MTUS1: variants seen among roughly 807,000 people sequenced by gnomAD.
MTUS1 encodes microtubule-associated tumor suppressor 1.
A neutral mutation model predicts 120.8 loss-of-function variants in MTUS1; 109 were observed. That is an observed-to-expected ratio of 0.90 (90% CI 0.77 to 1.06). The LOEUF (loss-of-function observed/expected upper bound fraction) is 1.06, where lower values mean the gene tolerates loss of function less well. Ranked by LOEUF, MTUS1 falls within the 50% of genes least tolerant of loss-of-function variation. MTUS1 has a pLI of 0.00. For missense variants in MTUS1, 2,210 were observed against 1,486.3 expected (o/e 1.49, Z -8.01); for synonymous variants, 737 against 550.5 (o/e 1.34, Z -4.74).
At chr8:17,798,713 A>G (rs2052452699) in intron 1 of MTUS1, among the ~76,000 whole-genome samples, 1 of 152,248 alleles carries the variant, frequency 6.6e-6, no homozygotes, top group Non-Finnish European at 1.5e-5. Flanking sequence ...TTCTGTTTTG[A>G]GAAAGTCAAC....
chr8:17,742,297 T>TTTTTTTTTTTTTTTTTTTTTTG (rs2047393167), intron 3 of MTUS1, among the ~76,000 whole-genome samples: 1 of 142,240 alleles, frequency 7.0e-6, no homozygotes, highest in African/African-American at 2.7e-5. Flanking sequence ...TGTTGTTTTT[T>TTTTTTTTTTTTTTTTTTTTTTG]TTTTTTTTTT....
intron 3 of MTUS1, among the ~76,000 whole-genome samples, chr8:17,728,090 T>C (rs1166040663): frequency 6.6e-6 from 1 of 152,202 alleles, no homozygotes; most frequent in South Asian, 2.1e-4. Flanking sequence ...TTAATATTAA[T>C]ATTATCCTAT....
intron 6 of MTUS1, among the ~76,000 whole-genome samples, chr8:17,699,785 A>G (rs1471851434): frequency 2.0e-5 from 3 of 152,228 alleles, no homozygotes; most frequent in Admixed American, 2.0e-4. Context: ...CTGCCTTGGC[A>G]GTCCATAAAC....
intron 1 of MTUS1, among the ~76,000 whole-genome samples, chr8:17,756,671 A>ACCACCCCCC (rs1554526123): frequency 1.7e-5 from 2 of 117,484 alleles, no homozygotes; most frequent in Non-Finnish European, 3.4e-5. Flanking sequence ...TCAAGCCCAA[A>ACCACCCCCC]CCCCCACCCC....
chr8:17,717,694 T>C (rs1019239223), intron 4 of MTUS1, among the ~76,000 whole-genome samples: 2 of 151,998 alleles, frequency 1.3e-5, no homozygotes. Context: ...AGATTTTCAC[T>C]AAAGTAAAGG....
At chr8:17,769,618 A>G (rs1414253742) in intron 1 of MTUS1, among the ~76,000 whole-genome samples, 1 of 152,048 alleles carries the variant, frequency 6.6e-6, no homozygotes, top group Admixed American at 6.5e-5. Context: ...AAGTGCTGGG[A>G]TTACAGGCGT....
At chr8:17,779,788 G>C (rs555387367) in intron 1 of MTUS1, among the ~76,000 whole-genome samples, 12 of 152,294 alleles carry the variant, frequency 7.9e-5, no homozygotes, top group Non-Finnish European at 1.3e-4. Context: ...GTGTTGGAGG[G>C]GGGGCGGGGG....
Position 17,743,898 on chromosome 8 carries a change from A to T in MTUS1, c.2092-99T>A, listed in dbSNP as rs1368238958. 6 of 1,003,990 alleles carry T rather than the reference A, an allele frequency of 6.0e-6. No homozygotes were observed. The East Asian group carries it at 1.5e-4, about 25-fold the overall frequency. 62.2% of individuals were successfully genotyped at this position (1,003,990 alleles called of 1,614,324 possible). On this transcript the variant is annotated intron_variant, in intron 2 of 14. Transcript: ENST00000693296. Reference sequence around the variant, plus strand: ...CCTCTAGGCCAAGGCAATTCCAAAGAAACCTAAAAAACAAGTTCAGGCCAT... The same window carrying T: ...CCTCTAGGCCAAGGCAATTCCAAAGTAACCTAAAAAACAAGTTCAGGCCAT...
intron 1 of MTUS1, among the ~76,000 whole-genome samples, chr8:17,782,097 C>A (rs1004558390): frequency 6.6e-6 from 1 of 152,186 alleles, no homozygotes; most frequent in Non-Finnish European, 1.5e-5. Context: ...AAAGCTGACA[C>A]AGATATACTA....
chr8:17,799,335 T>A (rs530368621), intron 1 of MTUS1, among the ~76,000 whole-genome samples: 11 of 152,330 alleles, frequency 7.2e-5, no homozygotes, highest in African/African-American at 2.6e-4. Context: ...TTTCATGACA[T>A]GGAAAATTTT....
chr8:17,657,573 A>C (rs933289301), intron 8 of MTUS1, among the ~76,000 whole-genome samples: 8 of 151,608 alleles, frequency 5.3e-5, no homozygotes, highest in African/African-American at 1.9e-4. Context: ...GTCTCAAAAA[A>C]AAAAAGAAGC....
intron 1 of MTUS1, among the ~76,000 whole-genome samples, chr8:17,782,009 G>A (rs776007494): frequency 3.9e-5 from 6 of 152,234 alleles, no homozygotes; most frequent in Admixed American, 2.6e-4. Flanking sequence ...CTAACCTGAT[G>A]GCCCTCGGTT....
intron 8 of MTUS1, among the ~76,000 whole-genome samples, chr8:17,667,193 C>G (rs12542864): frequency 0.061 from 9,290 of 152,132 alleles, 488 homozygotes; most frequent in East Asian, 0.24. Context: ...AAATTGAGGG[C>G]AGATGTGGAT....
chr8:17,753,883 G>A lies in MTUS1; in HGVS notation c.1925C>T (p.Pro642Leu). Reference sequence around the variant, plus strand: ...ACATTCTGCACTTTCCATTTTAACAGGGAGTATGCCTTTGATCTTCTGAAA... The same window carrying A: ...ACATTCTGCACTTTCCATTTTAACAAGGAGTATGCCTTTGATCTTCTGAAA... The part of the protein sequence containing the change: ...ALFQKIKGIL[P>L]VKMESAECLE... Residue 642 changes from proline (P) to leucine (L), a missense_variant, in exon 2 of 15, where the codon CCT becomes CTT. Coordinates refer to ENST00000693296, the MANE Select transcript of MTUS1 (RefSeq NM_001363059.2). 1 of 1,614,164 alleles carries A rather than the reference G, an allele frequency of 6.2e-7. No homozygotes were observed. The highest frequency in any genetic ancestry group is 8.5e-7 in the Non-Finnish European group (1 of 1,180,024).
chr8:17,672,184 G>C (rs1194388251), intron 8 of MTUS1, among the ~76,000 whole-genome samples: 1 of 152,112 alleles, frequency 6.6e-6, no homozygotes, highest in African/African-American at 2.4e-5. Context: ...CTGTAGCATA[G>C]ATGATGCCCT....
At chr8:17,766,949 G>C (rs534414581) in intron 1 of MTUS1, among the ~76,000 whole-genome samples, 1 of 151,890 alleles carries the variant, frequency 6.6e-6, no homozygotes, top group Non-Finnish European at 1.5e-5. Context: ...CTTTTAGTAG[G>C]TAGACTGAAT....
intron 7 of MTUS1, among the ~76,000 whole-genome samples, chr8:17,675,491 ATG>A (rs1343520408): frequency 6.6e-6 from 1 of 152,224 alleles, no homozygotes; most frequent in East Asian, 1.9e-4. Flanking sequence ...GACGCAGTGA[ATG>A]GCCCATTTAG....
chr8:17,660,701 T>G (rs1012937362), intron 8 of MTUS1, among the ~76,000 whole-genome samples: 2 of 152,226 alleles, frequency 1.3e-5, no homozygotes, highest in Non-Finnish European at 2.9e-5. Context: ...CAGAACCTAT[T>G]TGATTTTTTC....
intron 1 of MTUS1, among the ~76,000 whole-genome samples, chr8:17,781,446 A>C (rs1002575163): frequency 4.1e-4 from 63 of 152,204 alleles, no homozygotes; most frequent in African/African-American, 1.4e-3. Flanking sequence ...CTTTGTGTTC[A>C]AAGGCAGTAT....
Sources: gnomAD v4.1 joint callset for allele counts (sites outside exome capture counted in the v4.1 genomes callset) on GRCh38, gnomAD v4.1.1 for gene constraint, MANE v1.5 for transcripts, NCBI Gene and HGNC (gene_info 2026-07-23, HGNC 2026-07-21) for gene names.